CTNNA3: variants seen among roughly 807,000 people sequenced by gnomAD.
The protein encoded by CTNNA3 is catenin alpha-3.
In CTNNA3, 76 loss-of-function variants were observed where a neutral mutation model predicts 95.7. That is an observed-to-expected ratio of 0.79 (90% CI 0.66 to 0.96). CTNNA3 has a LOEUF of 0.96. CTNNA3 is among the 40% of genes least tolerant of loss of function. The probability of loss-of-function intolerance (pLI) is 0.00; values close to 1 mark genes in which losing one functional copy is unlikely to be tolerated. For missense variants in CTNNA3, 1,191 were observed against 1,089.8 expected (o/e 1.09, Z -1.31); for synonymous variants, 431 against 374.4 (o/e 1.15, Z -1.74).
intron 7 of CTNNA3, among the ~76,000 whole-genome samples, chr10:66,963,145 T>C (rs1405248440): frequency 6.6e-6 from 1 of 152,146 alleles, no homozygotes; most frequent in Non-Finnish European, 1.5e-5. Context: ...ACAAAGCTAG[T>C]ACTTACAGTA....
At chr10:67,618,491 T>C (rs939963490) in intron 2 of CTNNA3, among the ~76,000 whole-genome samples, 1 of 152,234 alleles carries the variant, frequency 6.6e-6, no homozygotes, top group Non-Finnish European at 1.5e-5. Context: ...GAAAGTTTTA[T>C]CTGCATTTCC....
intron 11 of CTNNA3, among the ~76,000 whole-genome samples, chr10:66,419,584 C>T (rs1461945693): frequency 6.6e-6 from 1 of 152,082 alleles, no homozygotes. Context: ...ATATCCAAAG[C>T]AATCCTGAGC....
At chr10:67,578,067 G>GA (rs890655301) in intron 3 of CTNNA3, among the ~76,000 whole-genome samples, 49 of 137,132 alleles carry the variant, frequency 3.6e-4, no homozygotes, top group African/African-American at 1.4e-3. Flanking sequence ...AACTGTGTGG[G>GA]AAAAAAAATA....
chr10:66,158,919 T>C (rs1019224454), intron 13 of CTNNA3, among the ~76,000 whole-genome samples: 14 of 151,900 alleles, frequency 9.2e-5, no homozygotes, highest in African/African-American at 3.4e-4. Context: ...TTTTTGCAGC[T>C]ACTGTAAAAG....
chr10:66,977,628 C>T (rs924419124), intron 7 of CTNNA3, among the ~76,000 whole-genome samples: 3 of 152,146 alleles, frequency 2.0e-5, no homozygotes, highest in African/African-American at 7.2e-5. Context: ...TCCAAATGTG[C>T]TCTAAATTTG....
intron 7 of CTNNA3, chr10:66,926,695 T>C (rs1847094548): frequency 7.7e-7 from 1 of 1,297,226 alleles, no homozygotes; most frequent in South Asian, 1.3e-5. Context: ...CTTGCTCTGC[T>C]CTAAGACTAT....
intron 5 of CTNNA3, among the ~76,000 whole-genome samples, chr10:67,291,724 T>C (rs1350606700): frequency 6.6e-6 from 1 of 152,188 alleles, no homozygotes; most frequent in Non-Finnish European, 1.5e-5. Flanking sequence ...AAGCTTTGCA[T>C]ATTACTGTAA....
intron 3 of CTNNA3, among the ~76,000 whole-genome samples, chr10:67,560,587 G>C (rs540509286): frequency 3.9e-5 from 6 of 152,046 alleles, no homozygotes; most frequent in Admixed American, 2.0e-4. Flanking sequence ...AACTAACGAG[G>C]AAAATAGGCA....
chr10:66,614,729 T>C (rs1207423254), intron 10 of CTNNA3, among the ~76,000 whole-genome samples: 1 of 151,990 alleles, frequency 6.6e-6, no homozygotes, highest in African/African-American at 2.4e-5. Context: ...GAGCAACAGA[T>C]AGATATAACA....
At chr10:66,146,068 G>A (rs928294766) in intron 13 of CTNNA3, among the ~76,000 whole-genome samples, 2 of 152,132 alleles carry the variant, frequency 1.3e-5, no homozygotes, top group African/African-American at 4.8e-5. Flanking sequence ...TGGCCAGGAT[G>A]GTCTTGATCT....
intron 5 of CTNNA3, among the ~76,000 whole-genome samples, chr10:67,400,600 T>C (rs1439370118): frequency 6.6e-6 from 1 of 152,214 alleles, no homozygotes; most frequent in Non-Finnish European, 1.5e-5. Flanking sequence ...GTGGAAAATT[T>C]TAAGTGCTAA....
intron 5 of CTNNA3, among the ~76,000 whole-genome samples, chr10:67,286,645 T>A (rs1839614028): frequency 6.6e-6 from 1 of 152,140 alleles, no homozygotes; most frequent in African/African-American, 2.4e-5. Context: ...AAACTTAAAA[T>A]TGGTACCCAA....
chr10:67,558,814 A>C (rs1313449577), intron 3 of CTNNA3, among the ~76,000 whole-genome samples: 1 of 152,254 alleles, frequency 6.6e-6, no homozygotes, highest in African/African-American at 2.4e-5. Context: ...GGGCTTAAAA[A>C]ATGGCACGCC....
At chr10:67,623,455 C>T (rs182007466) in intron 2 of CTNNA3, among the ~76,000 whole-genome samples, 116 of 152,064 alleles carry the variant, frequency 7.6e-4, no homozygotes, top group Non-Finnish European at 1.4e-3. Context: ...GGAATTTTGA[C>T]GAGAGTGGGG....
At chr10:66,629,406 G>C (rs183988671) in intron 9 of CTNNA3, among the ~76,000 whole-genome samples, 1 of 151,976 alleles carries the variant, frequency 6.6e-6, no homozygotes, top group African/African-American at 2.4e-5. Context: ...TCATGTATTA[G>C]GTTGGTGCAA....
chr10:65,978,117 T>C (rs2078243313), intron 16 of CTNNA3, among the ~76,000 whole-genome samples: 1 of 152,034 alleles, frequency 6.6e-6, no homozygotes, highest in African/African-American at 2.4e-5. Flanking sequence ...AGCAAAACCC[T>C]GACTTCTATA....
At chr10:67,004,874 C>T (rs1851882251) in intron 7 of CTNNA3, among the ~76,000 whole-genome samples, 1 of 152,112 alleles carries the variant, frequency 6.6e-6, no homozygotes, top group African/African-American at 2.4e-5. Flanking sequence ...CCACTTCCTC[C>T]AGCCAAAAGG....
intron 5 of CTNNA3, among the ~76,000 whole-genome samples, chr10:67,462,850 A>T (rs781669172): frequency 2.0e-5 from 3 of 152,172 alleles, no homozygotes; most frequent in Non-Finnish European, 2.9e-5. Flanking sequence ...TTTTCCATCA[A>T]GAGAAAATAA....
At chr10:65,975,646 C>G (rs950611679) in intron 16 of CTNNA3, among the ~76,000 whole-genome samples, 2 of 152,088 alleles carry the variant, frequency 1.3e-5, no homozygotes, top group Non-Finnish European at 2.9e-5. Context: ...TTAGGTACTT[C>G]GTCTGTGCCA....
Sources: allele counts gnomAD v4.1 joint callset (sites outside exome capture counted in the v4.1 genomes callset), GRCh38; gene constraint gnomAD v4.1.1; transcripts MANE v1.5; gene names NCBI Gene and HGNC (gene_info 2026-07-23, HGNC 2026-07-21).